Variants in IL1RAPL2 observed in about 807,000 individuals in gnomAD.
The protein encoded by IL1RAPL2 is interleukin 1 receptor accessory protein like 2, also known as X-linked interleukin-1 receptor accessory protein-like 2.
In IL1RAPL2, 3 loss-of-function variants were observed where a neutral mutation model predicts 44.1. The ratio of observed to expected loss-of-function variants is 0.07; its 90% CI spans 0.03 to 0.18. The LOEUF is 0.18. IL1RAPL2 is among the 10% of genes least tolerant of loss of function. The pLI is 1.00. For synonymous variants in IL1RAPL2, 181 were observed against 178.8 expected (o/e 1.01, Z -0.10); for missense variants, 391 against 496.4 (o/e 0.79, Z 2.02).
At chrX:104,899,740 C>T (rs1044434981) in intron 2 of IL1RAPL2, among the ~76,000 whole-genome samples, 6 of 111,953 alleles carry the variant, frequency 5.4e-5, no homozygotes, top group Admixed American at 4.8e-4. Flanking sequence ...AATGCCCTCT[C>T]TCCTCTTCAG....
At chrX:105,451,170 A>G (rs2036017326) in intron 5 of IL1RAPL2, among the ~76,000 whole-genome samples, 1 of 111,426 alleles carries the variant, frequency 9.0e-6, no homozygotes, top group African/African-American at 3.3e-5. Flanking sequence ...GAGCACTTCT[A>G]GTTTATTCTC....
At chrX:105,272,692 TG>T (rs2034456616) in intron 5 of IL1RAPL2, among the ~76,000 whole-genome samples, 1 of 112,642 alleles carries the variant, frequency 8.9e-6, no homozygotes, top group South Asian at 3.6e-4. Flanking sequence ...ATATAAAGCT[TG>T]GGGTAAAACT....
At chrX:105,023,513 G>T in intron 2 of IL1RAPL2, among the ~76,000 whole-genome samples, 1 of 111,248 alleles carries the variant, frequency 9.0e-6, no homozygotes, top group Middle Eastern at 4.2e-3. Context: ...CCTTGTGTAC[G>T]TGTGTACTGC....
At chrX:105,348,223 C>A (rs913851215) in intron 5 of IL1RAPL2, among the ~76,000 whole-genome samples, 12 of 111,806 alleles carry the variant, frequency 1.1e-4, no homozygotes, top group African/African-American at 3.9e-4. Flanking sequence ...TATCTGCACA[C>A]CCCTAGTGCT....
chrX:104,616,699 G>C (rs2148006360), intron 1 of IL1RAPL2, among the ~76,000 whole-genome samples: 1 of 111,746 alleles, frequency 8.9e-6, no homozygotes, highest in Admixed American at 9.5e-5. Context: ...CTCAGTACAG[G>C]AAGATAGCTT....
intron 2 of IL1RAPL2, among the ~76,000 whole-genome samples, chrX:104,942,847 T>G (rs754165385): frequency 9.0e-6 from 1 of 111,662 alleles, no homozygotes; most frequent in African/African-American, 3.3e-5. Flanking sequence ...TAAATAGCTC[T>G]TATTATTTTG....
Position 104,895,959 on chromosome X carries a change from C to G in IL1RAPL2, c.82+236964C>G, listed in dbSNP as rs532381345. Among the ~76,000 whole-genome samples, 41 of 112,082 alleles carry G rather than the reference C, an allele frequency of 3.7e-4. No homozygotes were observed. In the South Asian group the frequency reaches 0.015, roughly 42 times the overall value. ...CAAATAGACTCTTTGGCAGCAGTGA[C>G]TCTCCAAAACCACCAAGGCCTAGAC... On this transcript the variant is annotated intron_variant, in intron 2 of 10. Transcript: ENST00000372582.
intron 2 of IL1RAPL2, among the ~76,000 whole-genome samples, chrX:104,845,011 T>C (rs1235070189): frequency 8.9e-6 from 1 of 111,924 alleles, no homozygotes; most frequent in Non-Finnish European, 1.9e-5. Flanking sequence ...TCTGAGACTT[T>C]TTCAGCCCTT....
chrX:104,832,815 T>C (rs1203719968), intron 2 of IL1RAPL2, among the ~76,000 whole-genome samples: 1 of 111,558 alleles, frequency 9.0e-6, no homozygotes, highest in East Asian at 2.8e-4. Context: ...TGGTTCTGCT[T>C]TGGATTTCAT....
At chrX:104,629,291 GT>G (rs999644315) in intron 1 of IL1RAPL2, among the ~76,000 whole-genome samples, 3 of 111,584 alleles carry the variant, frequency 2.7e-5, no homozygotes, top group Non-Finnish European at 5.7e-5. Flanking sequence ...GTGTTGAGCA[GT>G]TTTTTTCATA....
At chrX:105,122,184 G>C (rs2032932096) in intron 2 of IL1RAPL2, among the ~76,000 whole-genome samples, 1 of 111,594 alleles carries the variant, frequency 9.0e-6, no homozygotes, top group South Asian at 3.7e-4. Flanking sequence ...TAGAACTGCA[G>C]AAGGGGAAAA....
At chrX:105,642,276 C>G (rs1358048498) in intron 6 of IL1RAPL2, among the ~76,000 whole-genome samples, 1 of 111,574 alleles carries the variant, frequency 9.0e-6, no homozygotes, top group African/African-American at 3.3e-5. Flanking sequence ...GTGACCAATT[C>G]TGGTTTTGTG....
intron 2 of IL1RAPL2, among the ~76,000 whole-genome samples, chrX:105,073,035 C>CTTTTT (rs201850028): frequency 9.6e-6 from 1 of 104,572 alleles, no homozygotes; most frequent in African/African-American, 3.6e-5. Flanking sequence ...GCCACATTTT[C>CTTTTT]TTTTTTTTTC....
intron 2 of IL1RAPL2, among the ~76,000 whole-genome samples, chrX:104,708,090 C>A (rs1318472996): frequency 9.0e-6 from 1 of 111,522 alleles, no homozygotes; most frequent in Non-Finnish European, 1.9e-5. Context: ...AATGTTTTTG[C>A]CACTTGCAGC....
intron 2 of IL1RAPL2, among the ~76,000 whole-genome samples, chrX:104,843,280 G>A (rs541188944): frequency 1.5e-3 from 164 of 111,765 alleles, no homozygotes; most frequent in Non-Finnish European, 2.5e-3. Flanking sequence ...ATCCCAGGTC[G>A]ACTCCAGACT....
intron 2 of IL1RAPL2, among the ~76,000 whole-genome samples, chrX:104,738,551 G>T (rs1317883265): frequency 1.8e-5 from 2 of 112,012 alleles, no homozygotes; most frequent in African/African-American, 6.5e-5. Flanking sequence ...CAGAGGAAAA[G>T]GAGTGAATAG....
intron 6 of IL1RAPL2, among the ~76,000 whole-genome samples, chrX:105,497,864 A>G (rs2036366694): frequency 8.9e-6 from 1 of 112,241 alleles, no homozygotes. Flanking sequence ...CATACAAAGC[A>G]TGTGACAAAA....
At chrX:105,125,360 T>G (rs1366222840) in intron 2 of IL1RAPL2, among the ~76,000 whole-genome samples, 1 of 110,908 alleles carries the variant, frequency 9.0e-6, no homozygotes, top group Non-Finnish European at 1.9e-5. Context: ...AAAAGTCATT[T>G]AATTATCCTA....
chrX:104,806,943 G>A (rs1276618446), intron 2 of IL1RAPL2, among the ~76,000 whole-genome samples: 4 of 111,762 alleles, frequency 3.6e-5, no homozygotes, highest in African/African-American at 6.5e-5. Context: ...GTATTTCTGT[G>A]TATTTGTCAA....
Sources: gnomAD v4.1 joint callset for allele counts (sites outside exome capture counted in the v4.1 genomes callset) on GRCh38, gnomAD v4.1.1 for gene constraint, MANE v1.5 for transcripts, NCBI Gene and HGNC (gene_info 2026-07-23, HGNC 2026-07-21) for gene names.